Variants in DENND1A observed in about 807,000 individuals in gnomAD.
DENND1A encodes DENN domain-containing protein 1A.
A neutral mutation model predicts 113.7 loss-of-function variants in DENND1A; 51 were observed. The ratio of observed to expected loss-of-function variants is 0.45; its 90% CI spans 0.36 to 0.57. The LOEUF is 0.57. Among genes scored for constraint, DENND1A ranks in the 20% least tolerant of loss-of-function variants. The pLI is 0.00. For synonymous variants in DENND1A, 565 were observed against 570.8 expected (o/e 0.99, Z 0.14); for missense variants, 1,258 against 1,395.9 (o/e 0.90, Z 1.57).
intron 2 of DENND1A, among the ~76,000 whole-genome samples, chr9:123,827,531 T>C (rs1008659982): frequency 2.0e-5 from 3 of 151,970 alleles, no homozygotes; most frequent in African/African-American, 7.3e-5. Context: ...CACACACATG[T>C]ACATGTACAC....
chr9:123,679,994 T>C (rs1018576954), intron 5 of DENND1A, among the ~76,000 whole-genome samples: 1 of 150,986 alleles, frequency 6.6e-6, no homozygotes, highest in African/African-American at 2.4e-5. Context: ...GCACAAAGGG[T>C]CCTCCTGCAC....
chr9:123,696,131 C>T (rs762668039), intron 5 of DENND1A, among the ~76,000 whole-genome samples: 19 of 152,138 alleles, frequency 1.2e-4, no homozygotes, highest in Non-Finnish European at 2.6e-4. Context: ...ATGCATGTTG[C>T]TACATTCATT....
intron 3 of DENND1A, among the ~76,000 whole-genome samples, chr9:123,774,215 T>C (rs898716126): frequency 2.6e-5 from 4 of 152,160 alleles, no homozygotes; most frequent in African/African-American, 9.7e-5. Context: ...GCAGTGCCAC[T>C]GACTTGAAAG....
At chr9:123,704,645 C>T (rs1366905901) in intron 5 of DENND1A, among the ~76,000 whole-genome samples, 1 of 152,100 alleles carries the variant, frequency 6.6e-6, no homozygotes, top group South Asian at 2.1e-4. Flanking sequence ...ACAAATAAAG[C>T]TTTGTGGACA....
intron 1 of DENND1A, among the ~76,000 whole-genome samples, chr9:123,913,798 G>A (rs1219058482): frequency 2.6e-5 from 4 of 151,496 alleles, no homozygotes; most frequent in African/African-American, 4.9e-5. Context: ...CCAGCTACTC[G>A]GGAGGCTGAG....
At chr9:123,815,462 T>TCA (rs1257967895) in intron 2 of DENND1A, among the ~76,000 whole-genome samples, 1 of 152,172 alleles carries the variant, frequency 6.6e-6, no homozygotes, top group East Asian at 1.9e-4. Flanking sequence ...GATCAGAAGG[T>TCA]CAGTCACTGC....
intron 12 of DENND1A, among the ~76,000 whole-genome samples, chr9:123,571,803 G>A (rs943654218): frequency 2.2e-4 from 33 of 152,122 alleles, no homozygotes; most frequent in African/African-American, 8.0e-4. Context: ...CATTTCTCTT[G>A]GGTGAATAGC....
chr9:123,873,668 T>C (rs1236320590), intron 2 of DENND1A, among the ~76,000 whole-genome samples: 1 of 152,224 alleles, frequency 6.6e-6, no homozygotes, highest in Non-Finnish European at 1.5e-5. Context: ...AGGTTAACTT[T>C]TCTGAATATT....
chr9:123,559,455 G>C (rs1266354801), intron 12 of DENND1A, among the ~76,000 whole-genome samples: 18 of 152,110 alleles, frequency 1.2e-4, no homozygotes. Flanking sequence ...CAGATTTTTA[G>C]TATGAATGAG....
At chr9:123,843,317 C>A (rs547579176) in intron 2 of DENND1A, 32 of 382,914 alleles carry the variant, frequency 8.4e-5, no homozygotes, top group Middle Eastern at 9.7e-4. Context: ...TTTCTCCTTC[C>A]ATGTAATTTT....
chr9:123,553,680 G>A (rs140430045), intron 13 of DENND1A, among the ~76,000 whole-genome samples: 2 of 152,284 alleles, frequency 1.3e-5, no homozygotes, highest in East Asian at 3.9e-4. Flanking sequence ...CTAGAAGCTG[G>A]ATGGAAACCT....
chr9:123,800,440 A>C (rs1401800261), intron 2 of DENND1A, among the ~76,000 whole-genome samples: 1 of 152,238 alleles, frequency 6.6e-6, no homozygotes, highest in East Asian at 1.9e-4. Flanking sequence ...TTAATAAATA[A>C]GAAGAGTGAG....
chr9:123,566,498 T>C (rs1049575120), intron 12 of DENND1A, among the ~76,000 whole-genome samples: 1 of 152,182 alleles, frequency 6.6e-6, no homozygotes, highest in African/African-American at 2.4e-5. Flanking sequence ...TGGCAAGAGT[T>C]AGAATTCCAG....
intron 11 of DENND1A, among the ~76,000 whole-genome samples, chr9:123,602,400 G>C (rs1163031645): frequency 6.6e-6 from 1 of 151,890 alleles, no homozygotes; most frequent in Non-Finnish European, 1.5e-5. Flanking sequence ...TCTGTGGTTG[G>C]ATGAATCTGT....
At chr9:123,727,330 A>G (rs1385649627) in intron 5 of DENND1A, among the ~76,000 whole-genome samples, 1 of 152,228 alleles carries the variant, frequency 6.6e-6, no homozygotes, top group African/African-American at 2.4e-5. Context: ...CCATACTTCA[A>G]ACTAGATTTT....
chr9:123,838,349 TATGTGTATATGTGCGTGTATATATATA>T (rs1841341035), intron 2 of DENND1A, among the ~76,000 whole-genome samples: 1 of 152,202 alleles, frequency 6.6e-6, no homozygotes, highest in Admixed American at 6.5e-5. Context: ...TATGTCTGTG[TATGTGTATATGTGCGTGTATATATATA>T]ATATGTATAT....
At chr9:123,387,990 GC>G (rs2042657159) in intron 21 of DENND1A, 132 bp from the exon 22 acceptor site, 5 of 924,638 alleles carry the variant, frequency 5.4e-6, no homozygotes, top group Non-Finnish European at 2.9e-6. Flanking sequence ...TGGGGTGGGG[GC>G]TCTCAGGAGA....
intron 1 of DENND1A, among the ~76,000 whole-genome samples, chr9:123,880,524 T>C (rs1406968496): frequency 2.6e-5 from 4 of 152,220 alleles, no homozygotes; most frequent in Non-Finnish European, 4.4e-5. Context: ...AAACATGAGG[T>C]AAGAAACCTT....
intron 19 of DENND1A, among the ~76,000 whole-genome samples, chr9:123,433,647 GCTT>G (rs1223365570): frequency 6.6e-6 from 1 of 152,066 alleles, no homozygotes; most frequent in Admixed American, 6.5e-5. Context: ...TGTCTTTAAA[GCTT>G]TTTTCTTTTT....
Sources: gnomAD v4.1 joint callset for allele counts (sites outside exome capture counted in the v4.1 genomes callset) on GRCh38, gnomAD v4.1.1 for gene constraint, MANE v1.5 for transcripts, NCBI Gene and HGNC (gene_info 2026-07-23, HGNC 2026-07-21) for gene names.